IGFBP7: variants seen among roughly 807,000 people sequenced by gnomAD.
IGFBP7 encodes insulin like growth factor binding protein 7.
IGFBP7 carries 31 observed loss-of-function variants against 29.4 expected under a neutral mutation model. The ratio of observed to expected loss-of-function variants is 1.05; its 90% CI spans 0.79 to 1.42. The LOEUF is 1.42. IGFBP7 is among the 40% of genes most tolerant of loss of function. The pLI is 0.00. For missense variants in IGFBP7, 393 were observed against 395.5 expected (o/e 0.99, Z 0.05); for synonymous variants, 172 against 174.9 (o/e 0.98, Z 0.13).
intron 2 of IGFBP7, among the ~76,000 whole-genome samples, chr4:57,037,879 C>T (rs1220250048): frequency 6.6e-6 from 1 of 152,186 alleles, no homozygotes; most frequent in African/African-American, 2.4e-5. Context: ...CCTGAGCAAA[C>T]CAGCAATCTC....
chr4:57,103,877 C>T (rs1484201220), intron 1 of IGFBP7, among the ~76,000 whole-genome samples: 1 of 151,330 alleles, frequency 6.6e-6, no homozygotes, highest in Non-Finnish European at 1.5e-5. Context: ...CCCAGGCTGG[C>T]AATTTTCAGG....
chr4:57,045,067 G>A (rs1024542647), intron 1 of IGFBP7, among the ~76,000 whole-genome samples: 6 of 152,116 alleles, frequency 3.9e-5, no homozygotes, highest in Admixed American at 3.9e-4. Context: ...CCATCGTCAG[G>A]GGATTCAATA....
intron 1 of IGFBP7, among the ~76,000 whole-genome samples, chr4:57,063,218 T>C (rs556125913): frequency 1.3e-5 from 2 of 152,236 alleles, no homozygotes; most frequent in East Asian, 3.9e-4. Flanking sequence ...ACAAACCTCC[T>C]TTGACCTTTC....
intron 1 of IGFBP7, among the ~76,000 whole-genome samples, chr4:57,088,053 C>A (rs1725538550): frequency 6.6e-6 from 1 of 152,212 alleles, no homozygotes; most frequent in East Asian, 1.9e-4. Context: ...ACTGCAGCCT[C>A]AAATTCCTAG....
intron 1 of IGFBP7, among the ~76,000 whole-genome samples, chr4:57,084,010 C>G (rs911146395): frequency 6.6e-6 from 1 of 152,102 alleles, no homozygotes; most frequent in African/African-American, 2.4e-5. Flanking sequence ...ACATGAAATG[C>G]AAATTATTTT....
In IGFBP7 at chr4:57,052,734, T is replaced by A. The variant is rs573744465; in HGVS notation, c.476-11801A>T. On this transcript the variant is annotated intron_variant, in intron 1 of 4. Coordinates refer to ENST00000295666, the MANE Select transcript of IGFBP7 (RefSeq NM_001553.3). ...CTGGTGACCGCGTGCCCAGGTCTTG[T>A]GAGTTGAGTTCCTGGCTGATTGCTA... 4.7e-4 allele frequency among the ~76,000 whole-genome samples: 71 copies of A among 152,278 alleles called. No homozygotes were observed. The South Asian group carries it at 0.012, about 27-fold the overall frequency.
chr4:57,073,223 C>T (rs1475403882), intron 1 of IGFBP7: 2 of 790,564 alleles, frequency 2.5e-6, no homozygotes, highest in Admixed American at 3.4e-5. Flanking sequence ...CACTCTGTAT[C>T]TTGAGCTGTG....
At chr4:57,032,274 C>T (rs1473225690) in intron 4 of IGFBP7, 152 bp downstream of exon 4, 22 of 1,440,310 alleles carry the variant, frequency 1.5e-5, no homozygotes, top group Non-Finnish European at 9.1e-7. Context: ...GAGTCTCATG[C>T]TGTACATTTT....
intron 1 of IGFBP7, among the ~76,000 whole-genome samples, chr4:57,054,244 A>G (rs953046469): frequency 3.9e-5 from 2 of 51,262 alleles, no homozygotes; most frequent in Admixed American, 5.6e-4. Context: ...GGTTTCTTGA[A>G]CTACCTGTAA....
At chr4:57,084,887 C>A (rs968421365) in intron 1 of IGFBP7, among the ~76,000 whole-genome samples, 1 of 141,066 alleles carries the variant, frequency 7.1e-6, no homozygotes, top group Non-Finnish European at 1.5e-5. Flanking sequence ...GACTCCTGGG[C>A]TCAGTTTGTC....
At chr4:57,102,905 G>A (rs1725932209) in intron 1 of IGFBP7, among the ~76,000 whole-genome samples, 1 of 152,182 alleles carries the variant, frequency 6.6e-6, no homozygotes, top group Non-Finnish European at 1.5e-5. Flanking sequence ...TTCTGTTTCT[G>A]ATCTGAAAGC....
In IGFBP7 at chr4:57,062,227, G is replaced by A. The variant is rs186284849; in HGVS notation, c.476-21294C>T. On this transcript the variant is annotated intron_variant, in intron 1 of 4. Transcript: ENST00000295666. ...GTGTCTCATTTTGCTTTGTTGGAGA[G>A]TGAGGTGTTTGCGGAGAAGAAAACA... Among the ~76,000 whole-genome samples, 300 of 152,270 alleles carry A rather than the reference G, an allele frequency of 2.0e-3. 2 individuals carry two copies. Among genetic ancestry groups the A allele is most frequent in the African/African-American group, 7.0e-3 (292 of 41,562 alleles).
Position 57,031,306 on chromosome 4 carries a change from A to T in IGFBP7, c.*11T>A. ...ACTTTTAACCATGCAGACTAATAAT[A>T]TTCTGGAGGTTTATAGCTCGGCACC... is the stretch of plus-strand genomic sequence containing the variant. On this transcript the variant is annotated 3_prime_UTR_variant, in exon 5 of 5. Coordinates refer to ENST00000295666, the MANE Select transcript of IGFBP7 (RefSeq NM_001553.3). 2 of 1,599,238 alleles carry T rather than the reference A, an allele frequency of 1.3e-6. No homozygotes were observed. Among genetic ancestry groups the T allele is most frequent in the African/African-American group, 1.3e-5 (1 of 74,726 alleles).
chr4:57,048,251 G>A (rs1407424132), intron 1 of IGFBP7, among the ~76,000 whole-genome samples: 4 of 151,936 alleles, frequency 2.6e-5, no homozygotes, highest in South Asian at 2.1e-4. Context: ...CGGGGTGACC[G>A]TGTTACCCAG....
At chr4:57,068,744 C>T (rs1385661921) in intron 1 of IGFBP7, among the ~76,000 whole-genome samples, 1 of 152,030 alleles carries the variant, frequency 6.6e-6, no homozygotes, top group East Asian at 1.9e-4. Context: ...GTTGAAGGCA[C>T]CGAGGGAAGT....
At chr4:57,065,902 T>C (rs1724910467) in intron 1 of IGFBP7, among the ~76,000 whole-genome samples, 1 of 152,196 alleles carries the variant, frequency 6.6e-6, no homozygotes. Context: ...TCCACGGTCC[T>C]CACTCCCAGA....
intron 2 of IGFBP7, among the ~76,000 whole-genome samples, chr4:57,038,162 T>C (rs1050286086): frequency 1.3e-5 from 2 of 152,234 alleles, no homozygotes; most frequent in Non-Finnish European, 2.9e-5. Context: ...CCAATGTCAG[T>C]GGCCGCATCC....
At chr4:57,046,019 C>A (rs148561046) in intron 1 of IGFBP7, among the ~76,000 whole-genome samples, 3 of 152,048 alleles carry the variant, frequency 2.0e-5, no homozygotes, top group African/African-American at 4.8e-5. Flanking sequence ...AGCCACTGCA[C>A]GCGACCAAAA....
intron 1 of IGFBP7, among the ~76,000 whole-genome samples, chr4:57,089,522 C>G (rs151163654): frequency 6.6e-6 from 1 of 152,206 alleles, no homozygotes; most frequent in Non-Finnish European, 1.5e-5. Flanking sequence ...TTCCCCCCAG[C>G]TATGACCTAT....
Sources: allele counts gnomAD v4.1 joint callset (sites outside exome capture counted in the v4.1 genomes callset), GRCh38; gene constraint gnomAD v4.1.1; transcripts MANE v1.5; gene names NCBI Gene and HGNC (gene_info 2026-07-23, HGNC 2026-07-21).